Variants in NUMB observed in about 807,000 individuals in gnomAD.
NUMB encodes NUMB endocytic adaptor protein.
Under a neutral mutation model 59.7 loss-of-function variants are expected in NUMB, and 29 were observed. The ratio of observed to expected loss-of-function variants is 0.49; its 90% CI spans 0.36 to 0.66. The LOEUF (loss-of-function observed/expected upper bound fraction) is 0.66. Among genes scored for constraint, NUMB ranks in the 30% least tolerant of loss-of-function variants. The probability of loss-of-function intolerance (pLI) is 0.00; values close to 1 mark genes in which losing one functional copy is unlikely to be tolerated. For missense variants in NUMB, 723 were observed against 822.0 expected (o/e 0.88, Z 1.47); for synonymous variants, 288 against 288.2 (o/e 1.00, Z 0.01).
chr14:73,366,192 A>C (rs542735797), intron 3 of NUMB, among the ~76,000 whole-genome samples: 1 of 152,356 alleles, frequency 6.6e-6, no homozygotes. Context: ...TAGTGGTCCT[A>C]TGTATGGCCC....
Position 73,321,751 on chromosome 14 carries a change from G to A in NUMB, c.201+1379C>T, listed in dbSNP as rs76136057. ...GAGAGCACAGATAAGACTAGCAAAG[G>A]CTTGAATCATTTAAGAATTTTAATG... On this transcript the variant is annotated intron_variant, in intron 5 of 12. Coordinates refer to ENST00000555238, the MANE Select transcript of NUMB (RefSeq NM_001005743.2). 9.4e-3 allele frequency among the ~76,000 whole-genome samples: 1,435 copies of A among 152,224 alleles called. 27 individuals are homozygous for A. The highest frequency in any genetic ancestry group is 0.033 in the African/African-American group (1,354 of 41,534).
chr14:73,442,120 CAGG>C (rs1883109366), intron 1 of NUMB, among the ~76,000 whole-genome samples: 1 of 149,250 alleles, frequency 6.7e-6, no homozygotes, highest in Admixed American at 6.8e-5. Flanking sequence ...GAGGCCGAGG[CAGG>C]AGAATAGCTT....
chr14:73,374,999 C>A (rs760891981), intron 2 of NUMB, among the ~76,000 whole-genome samples: 1 of 152,124 alleles, frequency 6.6e-6, no homozygotes, highest in South Asian at 2.1e-4. Context: ...TGAGCCACTG[C>A]GCCTGGCCTA....
At chr14:73,301,884 C>G (rs1406942849) in intron 6 of NUMB, among the ~76,000 whole-genome samples, 1 of 152,076 alleles carries the variant, frequency 6.6e-6, no homozygotes, top group African/African-American at 2.4e-5. Flanking sequence ...AGTTCGAAAC[C>G]AGCCTGGCCA....
At chr14:73,320,859 T>G (rs1891363774) in intron 5 of NUMB, among the ~76,000 whole-genome samples, 1 of 149,168 alleles carries the variant, frequency 6.7e-6, no homozygotes, top group South Asian at 2.1e-4. Flanking sequence ...GCCTATTATC[T>G]TCTTGGTTTA....
chr14:73,421,082 T>C (rs922425795), intron 1 of NUMB, among the ~76,000 whole-genome samples: 3 of 152,140 alleles, frequency 2.0e-5, no homozygotes, highest in Non-Finnish European at 2.9e-5. Flanking sequence ...CTGAAATAAA[T>C]TGCAAATAGG....
chr14:73,367,371 A>AGAGAGAGAGAGAGG (rs1269081997), intron 2 of NUMB, among the ~76,000 whole-genome samples: 7 of 149,700 alleles, frequency 4.7e-5, no homozygotes, highest in Non-Finnish European at 1.0e-4. Context: ...AGAGAGAGAG[A>AGAGAGAGAGAGAGG]GAGACAAATA....
At chr14:73,426,080 G>C (rs1039302753) in intron 1 of NUMB, among the ~76,000 whole-genome samples, 1 of 152,152 alleles carries the variant, frequency 6.6e-6, no homozygotes, top group East Asian at 1.9e-4. Context: ...AAAGTGCTGG[G>C]ATTACAGACA....
intron 3 of NUMB, chr14:73,357,063 C>G (rs934228536): frequency 3.2e-6 from 3 of 936,566 alleles, no homozygotes; most frequent in Non-Finnish European, 3.8e-6. Flanking sequence ...ATTATAGTAA[C>G]ATAAAAAAAA....
chr14:73,292,666 G>T, intron 8 of NUMB, 68 bp downstream of exon 8: 2 of 1,549,406 alleles, frequency 1.3e-6, no homozygotes, highest in South Asian at 2.3e-5. Flanking sequence ...CCGCTTGGCT[G>T]AGCAAACCCA....
At chr14:73,386,864 C>CTTTTTTT (rs1566773800) in intron 2 of NUMB, among the ~76,000 whole-genome samples, 19 of 73,790 alleles carry the variant, frequency 2.6e-4, no homozygotes, top group African/African-American at 6.6e-4. Context: ...TATCAGGTGT[C>CTTTTTTT]TTATTTTTTT....
rs901542563 is a variant in NUMB at position 73,366,993 on chromosome 14, GAATAATAAAC to G, written c.-100-22_-100-13del. The G allele has an allele frequency of 6.6e-6, 1 of 151,926 alleles. No homozygotes were observed. 9.4% of individuals were successfully genotyped at this position (151,926 alleles called of 1,614,324 possible). ...CTCAGTTTCCTCATCTGTAAAATGA[GAATAATAAAC>G]ATCTCACAAAATTGTTGTAACATAA... is the stretch of plus-strand genomic sequence containing the variant. On this transcript the variant is annotated splice_polypyrimidine_tract_variant and intron_variant, in intron 2 of 12. Coordinates refer to ENST00000555238, the MANE Select transcript of NUMB (RefSeq NM_001005743.2).
chr14:73,407,444 C>T (rs1398803506), intron 2 of NUMB, among the ~76,000 whole-genome samples: 1 of 151,966 alleles, frequency 6.6e-6, no homozygotes, highest in East Asian at 1.9e-4. Flanking sequence ...TGTCTCAAAA[C>T]AAAACAAAAA....
chr14:73,345,195 A>G (rs1186484942), intron 4 of NUMB, among the ~76,000 whole-genome samples: 2 of 152,252 alleles, frequency 1.3e-5, no homozygotes, highest in East Asian at 1.9e-4. Flanking sequence ...TGTCTTTTGC[A>G]GCAACATGGA....
At chr14:73,442,951 C>A (rs896990139) in intron 1 of NUMB, among the ~76,000 whole-genome samples, 27 of 152,110 alleles carry the variant, frequency 1.8e-4, no homozygotes, top group Admixed American at 3.3e-4. Flanking sequence ...CAACCTCTAC[C>A]TCCTCGGCTC....
intron 1 of NUMB, among the ~76,000 whole-genome samples, chr14:73,434,888 T>C (rs1258060016): frequency 6.6e-6 from 1 of 152,188 alleles, no homozygotes; most frequent in Non-Finnish European, 1.5e-5. Flanking sequence ...AATCTTCTAT[T>C]TGGAATAATT....
chr14:73,315,331 A>AT (rs1432619863), intron 6 of NUMB, among the ~76,000 whole-genome samples: 1 of 152,130 alleles, frequency 6.6e-6, no homozygotes, highest in Non-Finnish European at 1.5e-5. Flanking sequence ...TAATGACAGT[A>AT]TTTTTCTCTC....
At chr14:73,452,305 A>G (rs1004376556) in intron 1 of NUMB, among the ~76,000 whole-genome samples, 2 of 152,140 alleles carry the variant, frequency 1.3e-5, no homozygotes, top group South Asian at 4.1e-4. Flanking sequence ...GGTTGCGGTG[A>G]GCTAAAATTG....
At chr14:73,381,227 G>GT (rs1462816461) in intron 2 of NUMB, among the ~76,000 whole-genome samples, 2 of 151,960 alleles carry the variant, frequency 1.3e-5, no homozygotes, top group Admixed American at 6.6e-5. Flanking sequence ...TTAGAACCTT[G>GT]TCTATGAAAG....
Sources: allele counts gnomAD v4.1 joint callset (sites outside exome capture counted in the v4.1 genomes callset), GRCh38; gene constraint gnomAD v4.1.1; transcripts MANE v1.5; gene names NCBI Gene and HGNC (gene_info 2026-07-23, HGNC 2026-07-21).